ZFHX3: variants seen among roughly 807,000 people sequenced by gnomAD.
ZFHX3 encodes zinc finger homeobox protein 3.
Under a neutral mutation model 279.1 loss-of-function variants are expected in ZFHX3, and 42 were observed. The observed-to-expected ratio is 0.15, with a 90% confidence interval of 0.12 to 0.19. The LOEUF (loss-of-function observed/expected upper bound fraction) is 0.19. Ranked by LOEUF, ZFHX3 falls within the 10% of genes least tolerant of loss-of-function variation. ZFHX3 has a pLI of 1.00. For synonymous variants in ZFHX3, 2,293 were observed against 1,957.8 expected, an observed-to-expected ratio of 1.17 and a Z score of -4.52; for missense variants, 4,981 against 4,754.0, an observed-to-expected ratio of 1.05 and a Z score of -1.40.
intron 5 of ZFHX3, among the ~76,000 whole-genome samples, chr16:72,817,468 A>C (rs148762359): frequency 1.5e-3 from 223 of 152,332 alleles, no homozygotes; most frequent in African/African-American, 4.9e-3. Context: ...TGGAACCTTA[A>C]GGTCCCTCAT....
intron 2 of ZFHX3, among the ~76,000 whole-genome samples, chr16:73,577,207 T>C (rs953253005): frequency 3.3e-5 from 5 of 152,180 alleles, no homozygotes. Context: ...AAAAAAATAA[T>C]ACTTTATATT....
chr16:72,863,042 G>A (rs2037923912), intron 4 of ZFHX3, among the ~76,000 whole-genome samples: 1 of 151,992 alleles, frequency 6.6e-6, no homozygotes, highest in South Asian at 2.1e-4. Flanking sequence ...CCAGGAGTTT[G>A]AGACCAGCCT....
chr16:73,760,021 A>ATTTTTTT (rs1567400802), intron 1 of ZFHX3, among the ~76,000 whole-genome samples: 1 of 138,996 alleles, frequency 7.2e-6, no homozygotes, highest in African/African-American at 2.6e-5. Flanking sequence ...TTTTTTTTAA[A>ATTTTTTT]AAAAAATTAA....
chr16:73,815,255 T>C (rs1960535765), intron 1 of ZFHX3, among the ~76,000 whole-genome samples: 1 of 152,230 alleles, frequency 6.6e-6, no homozygotes, highest in Non-Finnish European at 1.5e-5. Context: ...TTTTCAAAGC[T>C]CACACTTCCA....
chr16:73,225,065 T>A (rs1232625557), intron 5 of ZFHX3, among the ~76,000 whole-genome samples: 1 of 152,222 alleles, frequency 6.6e-6, no homozygotes, highest in African/African-American at 2.4e-5. Flanking sequence ...AGATAATATC[T>A]ATGAAATCAT....
intron 5 of ZFHX3, among the ~76,000 whole-genome samples, chr16:73,164,036 C>G (rs986660230): frequency 9.2e-5 from 14 of 152,282 alleles, no homozygotes; most frequent in Non-Finnish European, 1.8e-4. Context: ...CCTTGTAGAG[C>G]TGCTGAGCCG....
At chr16:73,221,247 C>G (rs773224232) in intron 5 of ZFHX3, among the ~76,000 whole-genome samples, 1 of 151,900 alleles carries the variant, frequency 6.6e-6, no homozygotes, top group Non-Finnish European at 1.5e-5. Flanking sequence ...GTGTGCCCAT[C>G]GTATAAAATT....
intron 3 of ZFHX3, among the ~76,000 whole-genome samples, chr16:73,431,304 C>G (rs1472967059): frequency 6.6e-6 from 1 of 151,838 alleles, no homozygotes; most frequent in Non-Finnish European, 1.5e-5. Context: ...TTTTGGGAGG[C>G]TGAGGCGGGC....
chr16:73,025,206 G>C (rs1964454166), intron 1 of ZFHX3, among the ~76,000 whole-genome samples: 1 of 152,086 alleles, frequency 6.6e-6, no homozygotes. Flanking sequence ...AGTTAAACAG[G>C]AACGTTCCCC....
Position 73,479,425 on chromosome 16 carries a change from C to T in ZFHX3, c.-1546-23167G>A, listed in dbSNP as rs2018826650. 3.3e-5 allele frequency among the ~76,000 whole-genome samples: 5 copies of T among 152,270 alleles called. No individual in the cohort carries two copies. The South Asian group carries it at 1.0e-3, about 32-fold the overall frequency. On this transcript the variant is annotated intron_variant, in intron 2 of 17. Coordinates refer to the ZFHX3 transcript ENST00000641206. The stretch of plus-strand genomic sequence containing the variant: ...ACTCATCCTTCATCCATGCTATTAC[C>T]TTGGCTGGAGATACCTTTCTCAGCC...
intron 4 of ZFHX3, among the ~76,000 whole-genome samples, chr16:72,837,152 T>G (rs547071004): frequency 6.6e-6 from 1 of 152,278 alleles, no homozygotes; most frequent in African/African-American, 2.4e-5. Flanking sequence ...CAGGTCTCCC[T>G]CCAGGGGCGC....
At chr16:73,022,762 C>G (rs977894134) in intron 1 of ZFHX3, among the ~76,000 whole-genome samples, 3 of 152,122 alleles carry the variant, frequency 2.0e-5, no homozygotes, top group Admixed American at 1.3e-4. Flanking sequence ...AGCTGGTAAG[C>G]AACAGTGAGC....
At chr16:73,774,382 C>T (rs1469586146) in intron 1 of ZFHX3, among the ~76,000 whole-genome samples, 1 of 152,158 alleles carries the variant, frequency 6.6e-6, no homozygotes, top group Non-Finnish European at 1.5e-5. Flanking sequence ...ACCACCATTG[C>T]TGCCTTCACA....
intron 4 of ZFHX3, among the ~76,000 whole-genome samples, chr16:72,844,434 C>G (rs1273506091): frequency 2.6e-5 from 4 of 152,088 alleles, no homozygotes; most frequent in Non-Finnish European, 5.9e-5. Flanking sequence ...GCCTTCACAC[C>G]GCCCATGTTT....
intron 4 of ZFHX3, among the ~76,000 whole-genome samples, chr16:73,297,509 C>T (rs1423730): frequency 0.4 from 60,276 of 151,770 alleles, 12,258 homozygotes; most frequent in Middle Eastern, 0.51. Context: ...TATAATGCAG[C>T]TTGAGTAGGT....
At chr16:73,239,535 G>A (rs140532137) in intron 5 of ZFHX3, among the ~76,000 whole-genome samples, 1 of 152,300 alleles carries the variant, frequency 6.6e-6, no homozygotes, top group East Asian at 1.9e-4. Context: ...TACCTGGGTA[G>A]GTTTGCCACC....
chr16:73,128,688 A>G (rs1597168022), intron 7 of ZFHX3, among the ~76,000 whole-genome samples: 1 of 152,120 alleles, frequency 6.6e-6, no homozygotes, highest in African/African-American at 2.4e-5. Flanking sequence ...ACCATTTTAT[A>G]CTCCCTATTC....
chr16:72,959,875 G>A lies in ZFHX3; in HGVS notation c.271C>T (p.Leu91Phe). ...CNECSASFAS[L>F]QTYMEHHCPS... ...CAGTGGTGCTCCATGTAGGTCTGGA[G>A]GCTGGCAAAGGAGGCCGAACATTCG... The change falls in exon 2 of 10, where the codon CTC becomes TTC. Residue 91 changes from leucine to phenylalanine, a missense_variant. By Grantham distance (22) the Leu-to-Phe change is conservative. This residue lies in a region of ZFHX3 where 1,068 missense variants were observed against 935.2 expected (regional missense o/e 1.14). Transcript: ENST00000268489. 1.2e-6 allele frequency: 2 copies of A among 1,603,302 alleles called. No homozygotes were observed. The highest frequency in any genetic ancestry group is 1.7e-6 in the Non-Finnish European group (2 of 1,173,760).
At chr16:73,694,045 A>G (rs2053173023) in intron 1 of ZFHX3, among the ~76,000 whole-genome samples, 1 of 148,516 alleles carries the variant, frequency 6.7e-6, no homozygotes, top group African/African-American at 2.4e-5. Context: ...AAAAATTGCT[A>G]GGCACAGTGG....
Sources: gnomAD v4.1 joint callset for allele counts (sites outside exome capture counted in the v4.1 genomes callset) on GRCh38, gnomAD v4.1.1 for gene constraint, gnomAD v4.1.1 regional missense constraint, MANE v1.5 for transcripts, NCBI Gene and HGNC (gene_info 2026-07-23, HGNC 2026-07-21) for gene names.